The following VPS36 variants were observed in gnomAD, a reference collection of about 807,000 sequenced individuals.
The protein encoded by VPS36 is vacuolar protein-sorting-associated protein 36.
A neutral mutation model predicts 63.5 loss-of-function variants in VPS36; 31 were observed. The observed-to-expected ratio is 0.49, with a 90% CI of 0.37 to 0.66. VPS36 has a LOEUF of 0.66. Ranked by LOEUF, VPS36 falls within the 30% of genes least tolerant of loss-of-function variation. The pLI, the probability that VPS36 is intolerant of heterozygous loss-of-function variation, is 0.00. For missense variants in VPS36, 338 were observed against 463.7 expected, an observed-to-expected ratio of 0.73 and a Z score of 2.49; for synonymous variants, 138 against 157.2, an observed-to-expected ratio of 0.88 and a Z score of 0.91.
chr13:52,427,155 G>C, intron 7 of VPS36, 32 bp downstream of exon 7: 3 of 1,609,230 alleles, frequency 1.9e-6, no homozygotes, highest in Non-Finnish European at 2.5e-6. Context: ...ATCATAATTG[G>C]TATGAATTTA....
intron 10 of VPS36, among the ~76,000 whole-genome samples, chr13:52,422,931 T>C (rs1459275604): frequency 3.3e-5 from 5 of 152,146 alleles, no homozygotes; most frequent in Non-Finnish European, 1.5e-5. Context: ...ATGATTGAAT[T>C]ATGGGGGCGG....
At chr13:52,429,373 G>A in intron 6 of VPS36, 17 of 861,608 alleles carry the variant, frequency 2.0e-5, no homozygotes, top group Non-Finnish European at 2.4e-5. Flanking sequence ...ATCTGCTAGA[G>A]CCTATTCATC....
chr13:52,434,742 A>C (rs1451461937), intron 5 of VPS36, 51 bp downstream of exon 5: 1 of 1,472,602 alleles, frequency 6.8e-7, no homozygotes, highest in Admixed American at 1.9e-5. Flanking sequence ...CTTAATGAAG[A>C]TGTAAGTACA....
intron 6 of VPS36, among the ~76,000 whole-genome samples, chr13:52,431,261 T>A (rs971626591): frequency 6.6e-6 from 1 of 152,112 alleles, no homozygotes; most frequent in Non-Finnish European, 1.5e-5. Context: ...ACACATAAAA[T>A]TTTTTTTCAA....
chr13:52,421,143 T>G (rs1037044926), intron 10 of VPS36, among the ~76,000 whole-genome samples: 1 of 151,912 alleles, frequency 6.6e-6, no homozygotes, highest in Non-Finnish European at 1.5e-5. Flanking sequence ...ATTTTAAAGG[T>G]TAAAAAAAAT....
intron 3 of VPS36, 96 bp downstream of exon 3, chr13:52,439,002 T>G: frequency 1.9e-6 from 2 of 1,056,158 alleles, no homozygotes; most frequent in Non-Finnish European, 2.7e-6. Flanking sequence ...GCTTTAAGAA[T>G]GGATTCGTAC....
At chr13:52,424,713 C>G (rs1958080379) in intron 9 of VPS36, among the ~76,000 whole-genome samples, 1 of 152,194 alleles carries the variant, frequency 6.6e-6, no homozygotes, top group African/African-American at 2.4e-5. Flanking sequence ...TAGGCCGGCA[C>G]GGTGGCTCAC....
chr13:52,429,427 C>T lies in VPS36; in HGVS notation c.529-2208G>A, dbSNP rs115161815. 8.8e-4 allele frequency: 309 copies of T among 352,200 alleles called. 2 individuals are homozygous for T. The highest frequency in any genetic ancestry group is 6.2e-3 in the African/African-American group (281 of 45,266). The allele number at this position is 352,200 out of a possible 1,614,324, so 21.8% of individuals were successfully genotyped here. Reference sequence around the variant, plus strand: ...ATATTCCTGCTGCTAGCAAGCCCTCCGTGACCTCAACAGAAGTTAGGGATC... The same window carrying T: ...ATATTCCTGCTGCTAGCAAGCCCTCTGTGACCTCAACAGAAGTTAGGGATC... On this transcript the variant is annotated intron_variant, in intron 6 of 13. Coordinates refer to ENST00000378060, the MANE Select transcript of VPS36 (RefSeq NM_016075.4).
intron 9 of VPS36, 105 bp downstream of exon 9, chr13:52,425,827 G>T: frequency 8.4e-7 from 1 of 1,186,210 alleles, no homozygotes; most frequent in Non-Finnish European, 1.1e-6. Context: ...CATGTCAGTT[G>T]ACAATAACCA....
At position 52,433,671 on chromosome 13, in the gene VPS36, G is replaced by C. The variant is rs1189648968; in HGVS notation, c.519C>G (p.Asn173Lys). The change falls in exon 6 of 14, where the codon AAC becomes AAG. Residue 173 changes from asparagine to lysine, a missense_variant. Physicochemically the swap from Asn to Lys is moderately conservative, Grantham distance 94. Coordinates refer to ENST00000378060, the MANE Select transcript of VPS36 (RefSeq NM_016075.4). Reference protein sequence around the residue: ...LEEKRKETDKNISEAFEDLSK... With the variant: ...LEEKRKETDKKISEAFEDLSK... ...AGAATTTAACAGTTACCTCAGAAAT[G>C]TTTTTGTCAGTTTCTTTTCTTTTTT... 1 of 1,612,058 alleles carries C rather than the reference G, an allele frequency of 6.2e-7. No individual in the cohort carries two copies. Among genetic ancestry groups the C allele is most frequent in the Admixed American group, 1.7e-5 (1 of 59,864 alleles).
intron 1 of VPS36, 57 bp from the exon 2 acceptor site, chr13:52,442,502 T>A (rs1958290797): frequency 6.8e-7 from 1 of 1,468,178 alleles, no homozygotes; most frequent in African/African-American, 1.4e-5. Flanking sequence ...GTGGTTCCGA[T>A]TTTCTTCTTC....
chr13:52,414,160 C>T lies in VPS36; in HGVS notation c.*1670G>A, dbSNP rs1957970940. 6.6e-6 allele frequency: 1 copy of T among 152,098 alleles called. No homozygotes were observed. Among genetic ancestry groups the T allele is most frequent in the Non-Finnish European group, 1.5e-5 (1 of 68,038 alleles). The allele number at this position is 152,098 out of a possible 1,614,324, so 9.4% of individuals were successfully genotyped here. A position where few individuals can be genotyped will look rare whatever the true frequency, so the allele number is the denominator to read the frequency against. On this transcript the variant is annotated 3_prime_UTR_variant, in exon 14 of 14. Transcript: ENST00000378060. Reference sequence around the variant, plus strand: ...TTATTTATCTTCATAATTTTAAAAGCCTTAGCCAGGTGAGAGAGAGAGAGA... The same window carrying T: ...TTATTTATCTTCATAATTTTAAAAGTCTTAGCCAGGTGAGAGAGAGAGAGA...
chr13:52,428,970 G>C (rs1282332560), intron 6 of VPS36, among the ~76,000 whole-genome samples: 3 of 151,946 alleles, frequency 2.0e-5, no homozygotes, highest in Non-Finnish European at 4.4e-5. Context: ...ACAGAGAAAA[G>C]CTTCCTCACT....
intron 2 of VPS36, among the ~76,000 whole-genome samples, chr13:52,439,504 G>A (rs1316747535): frequency 1.3e-5 from 2 of 151,686 alleles, no homozygotes; most frequent in African/African-American, 4.8e-5. Flanking sequence ...GGAGTGCAGT[G>A]GCGTGATCTC....
At chr13:52,446,879 A>AT (rs531529195) in intron 1 of VPS36, among the ~76,000 whole-genome samples, 57,230 of 138,354 alleles carry the variant, frequency 0.41, 13,231 homozygotes, top group Middle Eastern at 0.58. Context: ...GCATGCCATA[A>AT]TTTTTTTTTT....
Position 52,436,414 on chromosome 13 carries a change from G to A in VPS36, c.237-10C>T. ...AACCACTATTTTGGCACTGAAGAAA[G>A]AACAAATGTAATATATTGAATTGTC... On this transcript the variant is annotated splice_polypyrimidine_tract_variant and intron_variant, in intron 3 of 13. Transcript: ENST00000378060. The A allele has an allele frequency of 1.3e-6, 2 of 1,560,900 alleles. No homozygotes were observed. The highest frequency in any genetic ancestry group is 8.8e-7 in the Non-Finnish European group (1 of 1,136,614).
chr13:52,449,818 CTATTAA>C (rs1427744703), intron 1 of VPS36: 2 of 607,036 alleles, frequency 3.3e-6, no homozygotes, highest in Non-Finnish European at 4.1e-6. Flanking sequence ...GCACGGTCTA[CTATTAA>C]TATAACACTT....
chr13:52,448,382 C>T (rs933823794), intron 1 of VPS36, among the ~76,000 whole-genome samples: 10 of 152,308 alleles, frequency 6.6e-5, no homozygotes, highest in Middle Eastern at 3.4e-3. Flanking sequence ...CACCTTCCCC[C>T]AGGAGTCAGC....
intron 4 of VPS36, 102 bp from the exon 5 acceptor site, chr13:52,434,984 T>C: frequency 8.2e-7 from 1 of 1,223,720 alleles, no homozygotes; most frequent in East Asian, 2.6e-5. Context: ...TTTTTTTTTT[T>C]TTTTGAGGTG....
Sources: gnomAD v4.1 joint callset for allele counts (sites outside exome capture counted in the v4.1 genomes callset) on GRCh38, gnomAD v4.1.1 for gene constraint, MANE v1.5 for transcripts, NCBI Gene and HGNC (gene_info 2026-07-23, HGNC 2026-07-21) for gene names.